The following TERB1 variants were observed in gnomAD, a reference collection of about 807,000 sequenced individuals.
TERB1 encodes the protein telomere repeats-binding bouquet formation protein 1.
In TERB1, 63 loss-of-function variants were observed where a neutral mutation model predicts 92.3. The observed-to-expected ratio is 0.68, with a 90% CI of 0.56 to 0.84. The LOEUF (loss-of-function observed/expected upper bound fraction) is 0.84. Among genes scored for constraint, TERB1 ranks in the 40% least tolerant of loss-of-function variants. The pLI, the probability that TERB1 is intolerant of heterozygous loss-of-function variation, is 0.00. For synonymous variants in TERB1, 252 were observed against 283.9 expected (o/e 0.89, Z 1.13); for missense variants, 709 against 843.7 (o/e 0.84, Z 1.98).
chr16:66,758,631 CTTA>C, intron 18 of TERB1, 139 bp downstream of exon 18: 1 of 557,426 alleles, frequency 1.8e-6, no homozygotes, highest in Admixed American at 3.2e-5. Context: ...ATCCCAGCTA[CTTA>C]GGAGGCTGAG....
Position 66,778,738 on chromosome 16 carries a change from C to T in TERB1, c.853+125G>A, listed in dbSNP as rs1365510918. The stretch of plus-strand genomic sequence containing the variant: ...CAGCCATGTTGGATACTTTCTAATA[C>T]TTCCTTCCACCTGTGAGAAACTTAG... On this transcript the variant is annotated intron_variant, in intron 10 of 18. Transcript: ENST00000433154. 1.0e-5 allele frequency: 8 copies of T among 803,714 alleles called. No homozygotes were observed. In the African/African-American group the frequency reaches 1.4e-4, roughly 14 times the overall value. The allele number at this position is 803,714 out of a possible 1,614,324, so 49.8% of individuals were successfully genotyped here. A position where few individuals can be genotyped will look rare whatever the true frequency, so the allele number is the denominator to read the frequency against.
At chr16:66,786,357 G>A in intron 6 of TERB1, 72 bp from the exon 7 acceptor site, 1 of 1,057,478 alleles carries the variant, frequency 9.5e-7, no homozygotes, top group Non-Finnish European at 1.4e-6. Context: ...GAACAGTTAA[G>A]TTTTATTTTA....
At chr16:66,758,702 C>T (rs2018177423) in intron 18 of TERB1, 71 bp downstream of exon 18, 2 of 915,150 alleles carry the variant, frequency 2.2e-6, no homozygotes, top group Non-Finnish European at 3.4e-6. Flanking sequence ...GATTGCTCCA[C>T]TGCACTCCAT....
chr16:66,774,019 A>G (rs1206098803), intron 12 of TERB1, among the ~76,000 whole-genome samples: 2 of 151,622 alleles, frequency 1.3e-5, no homozygotes, highest in Non-Finnish European at 2.9e-5. Context: ...AGCTGGGGCT[A>G]CAGGCGTGCG....
chr16:66,768,080 C>A lies in TERB1; in HGVS notation c.1684+24G>T, dbSNP rs998038758. On this transcript the variant is annotated intron_variant, in intron 15 of 18. Transcript: ENST00000433154. ...CCTAAATATCTGTTTTATTAAAAAA[C>A]CAAAGAAACATTTTTAATCATACCT... 3.3e-6 allele frequency: 5 copies of A among 1,525,038 alleles called. No homozygotes were observed. In the African/African-American group the frequency reaches 4.1e-5, roughly 13 times the overall value. 94.5% of individuals were successfully genotyped at this position (1,525,038 alleles called of 1,614,324 possible). A position where few individuals can be genotyped will look rare whatever the true frequency, so the allele number is the denominator to read the frequency against.
At chr16:66,791,969 G>A (rs1046323636) in intron 3 of TERB1, among the ~76,000 whole-genome samples, 1 of 152,020 alleles carries the variant, frequency 6.6e-6, no homozygotes, top group South Asian at 2.1e-4. Context: ...ATACCAAAAC[G>A]GAAGCCATTA....
At chr16:66,768,025 G>C in intron 15 of TERB1, 79 bp downstream of exon 15, 1 of 1,178,036 alleles carries the variant, frequency 8.5e-7, no homozygotes, top group East Asian at 2.6e-5. Context: ...ACCGCACCCA[G>C]TCAATGTGCA....
intron 18 of TERB1, among the ~76,000 whole-genome samples, 168 bp from the exon 19 acceptor site, chr16:66,755,331 G>A (rs921945874): frequency 6.6e-6 from 1 of 152,150 alleles, no homozygotes; most frequent in African/African-American, 2.4e-5. Context: ...TTAAAAACCT[G>A]AGTGCCTAAT....
At chr16:66,780,120 G>A (rs1438628333) in intron 9 of TERB1, among the ~76,000 whole-genome samples, 1 of 152,186 alleles carries the variant, frequency 6.6e-6, no homozygotes, top group Non-Finnish European at 1.5e-5. Context: ...GCCTGCCTCG[G>A]CCTCCCAAGG....
intron 3 of TERB1, among the ~76,000 whole-genome samples, chr16:66,794,815 CAGG>C (rs1343315616): frequency 1.3e-5 from 2 of 151,606 alleles, no homozygotes; most frequent in Non-Finnish European, 2.9e-5. Context: ...GAGGCTGAAG[CAGG>C]AGAATGGCGT....
At chr16:66,794,452 T>A (rs2018892355) in intron 3 of TERB1, among the ~76,000 whole-genome samples, 1 of 152,162 alleles carries the variant, frequency 6.6e-6, no homozygotes, top group Admixed American at 6.5e-5. Context: ...GCCTTTCTCA[T>A]ACTTTGGTAT....
At chr16:66,789,341 T>C (rs2018784378) in intron 5 of TERB1, among the ~76,000 whole-genome samples, 1 of 102,856 alleles carries the variant, frequency 9.7e-6, no homozygotes, top group Non-Finnish European at 1.9e-5. Context: ...TCCCAGCACT[T>C]TGGGAGGCCG....
chr16:66,785,700 A>G (rs2018716843), intron 9 of TERB1, 86 bp downstream of exon 9: 1 of 1,320,332 alleles, frequency 7.6e-7, no homozygotes, highest in South Asian at 1.7e-5. Flanking sequence ...CAAGAATTCA[A>G]TTGATTCAAT....
intron 9 of TERB1, among the ~76,000 whole-genome samples, chr16:66,783,208 G>A (rs1015546571): frequency 1.3e-5 from 2 of 152,206 alleles, no homozygotes; most frequent in South Asian, 2.1e-4. Flanking sequence ...ACCGTTAAGT[G>A]TGTTACTTGT....
At chr16:66,759,451 A>G (rs1405281221) in intron 16 of TERB1, among the ~76,000 whole-genome samples, 161 bp from the exon 17 acceptor site, 1 of 152,170 alleles carries the variant, frequency 6.6e-6, no homozygotes. Context: ...CAACAAATAC[A>G]ACAGAGTGAA....
intron 9 of TERB1, 86 bp downstream of exon 9, chr16:66,785,700 A>T: frequency 7.6e-7 from 1 of 1,320,332 alleles, no homozygotes; most frequent in Non-Finnish European, 1.0e-6. Context: ...CAAGAATTCA[A>T]TTGATTCAAT....
At chr16:66,769,429 T>A (rs749915493) in intron 14 of TERB1, among the ~76,000 whole-genome samples, 1 of 151,910 alleles carries the variant, frequency 6.6e-6, no homozygotes, top group Non-Finnish European at 1.5e-5. Flanking sequence ...CAATAAAGGG[T>A]TTAAGAAAAG....
At position 66,788,278 on chromosome 16, in the gene TERB1, CAA is replaced by C. The variant is rs1308550551; in HGVS notation, c.289_290del (p.Leu97ValfsTer7). ...AEKNVYCQQT[L>X]CTSELFEDLT... Reference sequence around the variant, plus strand: ...AGTCTTCAAACAACTCTGAAGTACACAAAGTCTGCTGACAGTAAACTGAAATA... The same window carrying C: ...AGTCTTCAAACAACTCTGAAGTACACAGTCTGCTGACAGTAAACTGAAATA... On this transcript the variant is annotated frameshift_variant, in exon 6 of 19. Coordinates refer to ENST00000433154, the MANE Select transcript of TERB1 (RefSeq NM_001136505.2). LOFTEE classifies it high-confidence loss of function. 1.3e-6 allele frequency: 2 copies of C among 1,495,434 alleles called. No individual in the cohort carries two copies. Among genetic ancestry groups the C allele is most frequent in the Non-Finnish European group, 1.8e-6 (2 of 1,127,170 alleles). 92.6% of individuals were successfully genotyped at this position (1,495,434 alleles called of 1,614,324 possible). A position where few individuals can be genotyped will look rare whatever the true frequency, so the allele number is the denominator to read the frequency against.
chr16:66,761,451 C>CAAAAAA (rs376145995), intron 16 of TERB1, among the ~76,000 whole-genome samples: 2 of 106,968 alleles, frequency 1.9e-5, no homozygotes, highest in African/African-American at 7.9e-5. Flanking sequence ...GACTCTGTCT[C>CAAAAAA]AAAAAAAAAA....
Sources: gnomAD v4.1 joint callset for allele counts (sites outside exome capture counted in the v4.1 genomes callset) on GRCh38, gnomAD v4.1.1 for gene constraint, MANE v1.5 for transcripts, NCBI Gene and HGNC (gene_info 2026-07-23, HGNC 2026-07-21) for gene names.